Variants in EEFSEC observed in about 807,000 individuals in gnomAD.
EEFSEC encodes the protein eukaryotic elongation factor, selenocysteine-tRNA specific, also known as selenocysteine-specific elongation factor.
Under a neutral mutation model 42.1 loss-of-function variants are expected in EEFSEC, and 43 were observed. That is an observed-to-expected ratio of 1.02 (90% CI 0.80 to 1.32). The LOEUF (loss-of-function observed/expected upper bound fraction) is 1.32. EEFSEC is among the 40% of genes most tolerant of loss of function. The pLI, the probability that EEFSEC is intolerant of heterozygous loss-of-function variation, is 0.00. For synonymous variants in EEFSEC, 354 were observed against 339.1 expected (o/e 1.04, Z -0.48); for missense variants, 745 against 803.6 (o/e 0.93, Z 0.88).
At chr3:128,195,184 AG>A (rs1246772715) in intron 1 of EEFSEC, among the ~76,000 whole-genome samples, 1 of 152,220 alleles carries the variant, frequency 6.6e-6, no homozygotes, top group Non-Finnish European at 1.5e-5. Context: ...TTTAGGGCCC[AG>A]GCTGTTCTAT....
intron 4 of EEFSEC, among the ~76,000 whole-genome samples, chr3:128,311,076 G>A (rs2066884945): frequency 6.6e-6 from 1 of 152,240 alleles, no homozygotes; most frequent in Non-Finnish European, 1.5e-5. Context: ...GATAATGCAG[G>A]TGATATCCTT....
At chr3:128,414,532 A>G in the EEFSEC span, among the ~76,000 whole-genome samples, 1 of 152,212 alleles carries the variant, frequency 6.6e-6, no homozygotes, top group Non-Finnish European at 1.5e-5. Context: ...ACAGAGGCCA[A>G]GTTCCTGACC....
chr3:128,334,776 G>A (rs1160362494), intron 4 of EEFSEC, among the ~76,000 whole-genome samples: 1 of 152,248 alleles, frequency 6.6e-6, no homozygotes, highest in Non-Finnish European at 1.5e-5. Flanking sequence ...GGATGGGAAG[G>A]ATGTGAGGGA....
chr3:128,310,720 T>C (rs1362696120), intron 4 of EEFSEC, among the ~76,000 whole-genome samples: 2 of 152,280 alleles, frequency 1.3e-5, no homozygotes, highest in African/African-American at 4.8e-5. Flanking sequence ...TCCAATTTTT[T>C]ATTTTCCTTT....
At chr3:128,198,333 A>G (rs2065607630) in intron 1 of EEFSEC, among the ~76,000 whole-genome samples, 2 of 152,236 alleles carry the variant, frequency 1.3e-5, no homozygotes, top group South Asian at 4.1e-4. Context: ...TACATCTTAC[A>G]GTGCCTCTTA....
chr3:128,315,159 T>C (rs1207373156), intron 4 of EEFSEC, among the ~76,000 whole-genome samples: 1 of 152,208 alleles, frequency 6.6e-6, no homozygotes, highest in African/African-American at 2.4e-5. Context: ...GATATTTATG[T>C]CTGCTGGAAC....
intron 6 of EEFSEC, among the ~76,000 whole-genome samples, chr3:128,389,864 G>A (rs563738586): frequency 2.4e-4 from 37 of 152,332 alleles, no homozygotes; most frequent in South Asian, 1.0e-3. Context: ...GCACCTAGCC[G>A]GTCAAGCCTA....
intron 6 of EEFSEC, among the ~76,000 whole-genome samples, chr3:128,404,004 C>G (rs1468897018): frequency 6.6e-6 from 1 of 152,228 alleles, no homozygotes. Context: ...GGCATGTTCC[C>G]TGAATATTTT....
At chr3:128,351,675 G>A (rs913171560) in intron 5 of EEFSEC, among the ~76,000 whole-genome samples, 1 of 152,178 alleles carries the variant, frequency 6.6e-6, no homozygotes, top group Non-Finnish European at 1.5e-5. Flanking sequence ...ACACACACAC[G>A]TGTAATGACA....
chr3:128,306,257 C>T (rs1302709357), intron 4 of EEFSEC, among the ~76,000 whole-genome samples: 3 of 152,050 alleles, frequency 2.0e-5, no homozygotes, highest in Non-Finnish European at 4.4e-5. Context: ...GAGATAAACC[C>T]CCCACCTTAT....
chr3:128,157,384 G>A (rs571148297), intron 1 of EEFSEC, among the ~76,000 whole-genome samples: 15 of 152,218 alleles, frequency 9.9e-5, no homozygotes, highest in Non-Finnish European at 1.6e-4. Context: ...ATTGATGAAG[G>A]TGAGTACACT....
chr3:128,255,977 A>G (rs552074839), intron 2 of EEFSEC, among the ~76,000 whole-genome samples: 1 of 152,012 alleles, frequency 6.6e-6, no homozygotes, highest in Admixed American at 6.5e-5. Flanking sequence ...GTTTGGGGCT[A>G]TAGTGGGGGA....
chr3:128,215,294 C>T (rs1447763393), intron 1 of EEFSEC, among the ~76,000 whole-genome samples: 4 of 152,188 alleles, frequency 2.6e-5, no homozygotes, highest in Non-Finnish European at 4.4e-5. Flanking sequence ...ACAGAGGCAA[C>T]ATGGCCTTCC....
intron 5 of EEFSEC, among the ~76,000 whole-genome samples, chr3:128,346,688 A>C (rs954785188): frequency 6.6e-6 from 1 of 152,206 alleles, no homozygotes; most frequent in Non-Finnish European, 1.5e-5. Context: ...AGTTGTAACT[A>C]TGTTACCACC....
intron 1 of EEFSEC, among the ~76,000 whole-genome samples, chr3:128,171,887 T>C (rs2065303078): frequency 6.6e-6 from 1 of 151,676 alleles, no homozygotes; most frequent in Non-Finnish European, 1.5e-5. Flanking sequence ...AAAAAAATGA[T>C]ATGTTTAAAA....
intron 6 of EEFSEC, among the ~76,000 whole-genome samples, chr3:128,390,966 G>T (rs1269335385): frequency 6.6e-6 from 1 of 152,186 alleles, no homozygotes; most frequent in African/African-American, 2.4e-5. Flanking sequence ...GCCCTTTGCT[G>T]ATCACTATCT....
chr3:128,190,031 T>A (rs984205008), intron 1 of EEFSEC, among the ~76,000 whole-genome samples: 1 of 152,084 alleles, frequency 6.6e-6, no homozygotes, highest in Non-Finnish European at 1.5e-5. Flanking sequence ...CCTGGCAAAT[T>A]TTCTGTATTT....
chr3:128,357,196 G>A (rs1383925836), intron 5 of EEFSEC, among the ~76,000 whole-genome samples: 2 of 152,288 alleles, frequency 1.3e-5, no homozygotes, highest in Admixed American at 6.5e-5. Context: ...ACCTGGCCAT[G>A]CTGCCATCCC....
chr3:128,363,176 G>C (rs531507295), intron 6 of EEFSEC, among the ~76,000 whole-genome samples: 2 of 152,318 alleles, frequency 1.3e-5, no homozygotes, highest in South Asian at 4.1e-4. Flanking sequence ...GCAGTTGCTG[G>C]TGTTCCCATT....
Sources: allele counts gnomAD v4.1 joint callset (sites outside exome capture counted in the v4.1 genomes callset), GRCh38; gene constraint gnomAD v4.1.1; transcripts MANE v1.5; gene names NCBI Gene and HGNC (gene_info 2026-07-23, HGNC 2026-07-21).